SDE2: variants seen among roughly 807,000 people sequenced by gnomAD.
The protein encoded by SDE2 is spliceosome associated SDE2.
In SDE2, 31 loss-of-function variants were observed where a neutral mutation model predicts 46.9. The ratio of observed to expected loss-of-function variants is 0.66; its 90% confidence interval spans 0.50 to 0.89. The LOEUF (loss-of-function observed/expected upper bound fraction) is 0.89, where lower values mean the gene tolerates loss of function less well. Among genes scored for constraint, SDE2 ranks in the 40% least tolerant of loss-of-function variants. The probability of loss-of-function intolerance (pLI) is 0.00; values close to 1 mark genes in which losing one functional copy is unlikely to be tolerated. For synonymous variants in SDE2, 205 were observed against 204.3 expected (o/e 1.00, Z -0.03); for missense variants, 542 against 564.4 (o/e 0.96, Z 0.40).
chr1:225,988,596 G>A lies in SDE2; in HGVS notation c.642-208C>T, dbSNP rs746465929. Among the ~76,000 whole-genome samples the A allele has an allele frequency of 2.8e-4, 42 of 152,278 alleles. No homozygotes were observed. In the Middle Eastern group the frequency reaches 0.014, roughly 49 times the overall value. ...ATACAAAAATTAGCCAGATGTGGTG[G>A]CATGCACCTATAGTCCCAGCTACTC... is the stretch of plus-strand genomic sequence containing the variant. On this transcript the variant is annotated intron_variant, in intron 5 of 6. Transcript: ENST00000272091.
Position 225,985,353 on chromosome 1 carries a change from C to T in SDE2, c.1305G>A (p.Glu435=), listed in dbSNP as rs1446223111. 2 of 1,614,110 alleles carry T rather than the reference C, an allele frequency of 1.2e-6. No individual in the cohort carries two copies. The highest frequency in any genetic ancestry group is 2.7e-5 in the African/African-American group (2 of 74,936). ...TGGCAAATAAAGCCGGGTCAATTTG[C>T]TCCTTTGCCAGTCCTCTGACAGAGA... ...RLFSVRGLAK[E]QIDPALFAKP... is the part of the protein sequence containing the mutation. The change falls in exon 7 of 7, where the codon GAG becomes GAA. Residue 435 remains glutamate, a synonymous_variant. Transcript: ENST00000272091.
At chr1:225,998,043 C>A (rs921294343) in intron 1 of SDE2, among the ~76,000 whole-genome samples, 1 of 151,854 alleles carries the variant, frequency 6.6e-6, no homozygotes, top group African/African-American at 2.4e-5. Context: ...AGGAGAACCG[C>A]TTGAACTCAG....
At chr1:225,996,537 C>T (rs1245080712) in intron 1 of SDE2, among the ~76,000 whole-genome samples, 1 of 152,126 alleles carries the variant, frequency 6.6e-6, no homozygotes, top group East Asian at 1.9e-4. Flanking sequence ...AAGGATACAA[C>T]ATTTAGACTC....
In SDE2 at chr1:225,984,927, C is replaced by T. The variant is rs1488126860; in HGVS notation, c.*375G>A. ...CATAATGAAAAGGAAATTATCAACA[C>T]AGCTCCTAAAGACATTAAAAGGGTA... is the stretch of plus-strand genomic sequence containing the variant. On this transcript the variant is annotated 3_prime_UTR_variant, in exon 7 of 7. Transcript: ENST00000272091. The T allele has an allele frequency of 1.1e-5, 2 of 182,408 alleles. No individual in the cohort carries two copies. Among genetic ancestry groups the T allele is most frequent in the Non-Finnish European group, 2.3e-5 (2 of 87,420 alleles). The allele number at this position is 182,408 out of a possible 1,614,324, so 11.3% of individuals were successfully genotyped here. A position where few individuals can be genotyped will look rare whatever the true frequency, so the allele number is the denominator to read the frequency against.
At chr1:225,987,384 G>T (rs1382675937) in intron 6 of SDE2, among the ~76,000 whole-genome samples, 4 of 152,050 alleles carry the variant, frequency 2.6e-5, no homozygotes, top group African/African-American at 4.8e-5. Context: ...CTGACTGTGG[G>T]TACTTAAGAT....
Position 225,991,236 on chromosome 1 carries a change from CACTT to C in SDE2, c.641+3_641+6del. Reference sequence around the variant, plus strand: ...AGATCAATTGGGAACGAAAGTGAAACACTTACCAGAAGCATCTCCTCTTTCCCGC... The same window carrying C: ...AGATCAATTGGGAACGAAAGTGAAACACCAGAAGCATCTCCTCTTTCCCGC... On this transcript the variant is annotated splice_donor_5th_base_variant and intron_variant, in intron 5 of 6. Coordinates refer to ENST00000272091, the MANE Select transcript of SDE2 (RefSeq NM_152608.4). 2 of 1,612,014 alleles carry C rather than the reference CACTT, an allele frequency of 1.2e-6. No homozygotes were observed. The highest frequency in any genetic ancestry group is 1.1e-5 in the South Asian group (1 of 90,866).
chr1:225,999,257 G>T lies in SDE2; in HGVS notation c.56C>A (p.Ala19Glu). 4 of 1,613,260 alleles carry T rather than the reference G, an allele frequency of 2.5e-6. No homozygotes were observed. The highest frequency in any genetic ancestry group is 3.4e-6 in the Non-Finnish European group (4 of 1,179,766). The change falls in exon 1 of 7, where the codon GCG (alanine) becomes GAG (glutamate). Residue 19 changes from alanine (A) to glutamate (E), a missense_variant. Ala to Glu is a moderately radical substitution (Grantham distance 107). Coordinates refer to ENST00000272091, the MANE Select transcript of SDE2 (RefSeq NM_152608.4). Reference protein sequence around the residue: ...WIRGPGFGCKAVRCASGRCTV... With the variant: ...WIRGPGFGCKEVRCASGRCTV... ...GCACCGACCCGAGGCACACCGCACC[G>T]CCTTGCACCCGAAGCCAGGGCCGCG...
intron 1 of SDE2, among the ~76,000 whole-genome samples, chr1:225,996,874 T>C (rs1465916486): frequency 6.6e-6 from 1 of 152,238 alleles, no homozygotes; most frequent in Non-Finnish European, 1.5e-5. Flanking sequence ...CCTTGGAAAC[T>C]ACAAATTTAA....
intron 6 of SDE2, among the ~76,000 whole-genome samples, chr1:225,985,926 T>C (rs1286686316): frequency 6.6e-6 from 1 of 152,208 alleles, no homozygotes; most frequent in African/African-American, 2.4e-5. Flanking sequence ...TCCATAATCT[T>C]AATGCTTTCT....
chr1:225,987,897 G>T lies in SDE2; in HGVS notation c.1133C>A (p.Ala378Glu), dbSNP rs977519552. The change falls in exon 6 of 7, where the codon GCA (alanine) becomes GAA (glutamate). Residue 378 changes from alanine (A) to glutamate (E), a missense_variant and splice_region_variant. This residue lies in a region of SDE2 where 401 missense variants were observed against 437.8 expected (regional missense o/e 0.92). Transcript: ENST00000272091. ...GTATCAACCCCAAAACATACTTACT[G>T]CGTTTCCTGGCTGGCTTTCCTGCAG... ...AKLQESQPGNAVIDKETIDLL... is the reference protein window; with the variant it reads ...AKLQESQPGNEVIDKETIDLL... The T allele has an allele frequency of 6.2e-7, 1 of 1,610,362 alleles. No homozygotes were observed.
chr1:225,988,354 AC>A lies in SDE2; in HGVS notation c.675del (p.Ser226ProfsTer46). 2 of 1,614,154 alleles carry A rather than the reference AC, an allele frequency of 1.2e-6. No individual in the cohort carries two copies. Among genetic ancestry groups the A allele is most frequent in the Non-Finnish European group, 1.7e-6 (2 of 1,180,002 alleles). On this transcript the variant is annotated frameshift_variant, in exon 6 of 7. Transcript: ENST00000272091. LOFTEE classifies it high-confidence loss of function. ...LGMEGLETAEGSNSESSDDDS... is the reference protein window; with the variant it reads ...LGMEGLETAEXSNSESSDDDS... ...TCATCATCTGAACTCTCAGAGTTGG[AC>A]CCTTCTGCAGTCTCTAGTCCCTCCA...
chr1:225,994,322 C>T (rs946211993), intron 2 of SDE2, among the ~76,000 whole-genome samples: 30 of 152,146 alleles, frequency 2.0e-4, no homozygotes, highest in Non-Finnish European at 3.8e-4. Flanking sequence ...GTGATCCGCC[C>T]GCCTTGGCCT....
chr1:225,992,765 TG>T, intron 3 of SDE2, 125 bp downstream of exon 3: 1 of 687,930 alleles, frequency 1.5e-6, no homozygotes, highest in Non-Finnish European at 2.5e-6. Flanking sequence ...AGGTTAAATC[TG>T]ATAATAAATT....
At chr1:225,992,092 T>C (rs1216189316) in intron 4 of SDE2, among the ~76,000 whole-genome samples, 1 of 151,924 alleles carries the variant, frequency 6.6e-6, no homozygotes, top group South Asian at 2.1e-4. Flanking sequence ...GGCGGGAGAA[T>C]TGCTCGAACC....
intron 6 of SDE2, 97 bp downstream of exon 6, chr1:225,987,799 T>C (rs1656298499): frequency 8.1e-6 from 9 of 1,113,958 alleles, no homozygotes; most frequent in African/African-American, 1.6e-5. Context: ...AGCCTTTCAC[T>C]AAGCAGCTGA....
chr1:225,991,016 A>G (rs1656385679), intron 5 of SDE2, among the ~76,000 whole-genome samples: 1 of 152,246 alleles, frequency 6.6e-6, no homozygotes, highest in African/African-American at 2.4e-5. Context: ...TTTATGTTTC[A>G]GTGTAAGGAA....
chr1:225,991,636 T>C (rs1365333183), intron 4 of SDE2, among the ~76,000 whole-genome samples: 2 of 152,202 alleles, frequency 1.3e-5, no homozygotes, highest in Admixed American at 1.3e-4. Flanking sequence ...TAATTATTTA[T>C]CCCTGCGTTA....
chr1:225,994,425 G>C (rs1656475444), intron 2 of SDE2, among the ~76,000 whole-genome samples: 1 of 152,222 alleles, frequency 6.6e-6, no homozygotes, highest in African/African-American at 2.4e-5. Flanking sequence ...TATAGTCTGA[G>C]ATGTCAGCTC....
rs780978376 is a variant in SDE2, at chr1:225,992,378, T to A, written c.520+20A>T. ...CTTCAGGGGTGCCAGCTGAACACAC[T>A]AAGGAATCCTCATTCTCACCTTTGA... On this transcript the variant is annotated intron_variant, in intron 4 of 6. Coordinates refer to ENST00000272091, the MANE Select transcript of SDE2 (RefSeq NM_152608.4). 3.1e-6 allele frequency: 5 copies of A among 1,606,896 alleles called. No homozygotes were observed. In the South Asian group the frequency reaches 5.5e-5, roughly 18 times the overall value.
Sources: gnomAD v4.1 joint callset for allele counts (sites outside exome capture counted in the v4.1 genomes callset) on GRCh38, gnomAD v4.1.1 for gene constraint, gnomAD v4.1.1 regional missense constraint, MANE v1.5 for transcripts, NCBI Gene and HGNC (gene_info 2026-07-23, HGNC 2026-07-21) for gene names.